RNF145: variants seen among roughly 807,000 people sequenced by gnomAD.
RNF145 encodes the protein ring finger protein 145.
In RNF145, 12 loss-of-function variants were observed where a neutral mutation model predicts 57.3. The observed-to-expected ratio is 0.21, with a 90% CI of 0.13 to 0.34. The LOEUF (loss-of-function observed/expected upper bound fraction) is 0.34, where lower values mean the gene tolerates loss of function less well. RNF145 is among the 10% of genes least tolerant of loss of function. The pLI is 1.00. For synonymous variants in RNF145, 262 were observed against 288.3 expected (o/e 0.91, Z 0.92); for missense variants, 429 against 799.0 (o/e 0.54, Z 5.58).
intron 9 of RNF145, 86 bp downstream of exon 9, chr5:159,162,846 T>C (rs1784275169): frequency 5.9e-6 from 6 of 1,024,714 alleles, no homozygotes; most frequent in Non-Finnish European, 8.5e-6. Context: ...CTTATAATCA[T>C]TCATCTTGAA....
At chr5:159,166,491 C>G (rs945316340) in intron 8 of RNF145, among the ~76,000 whole-genome samples, 7 of 152,108 alleles carry the variant, frequency 4.6e-5, no homozygotes, top group African/African-American at 1.7e-4. Flanking sequence ...GAATTTTAAC[C>G]TTCTGTTTTT....
chr5:159,161,762 A>G (rs1475111049), intron 9 of RNF145, 140 bp from the exon 10 acceptor site: 1 of 556,100 alleles, frequency 1.8e-6, no homozygotes. Flanking sequence ...AGGGGAAAAA[A>G]AAGTTTTAAT....
At chr5:159,207,737 A>G in intron 1 of RNF145, 3 of 1,614,068 alleles carry the variant, frequency 1.9e-6, no homozygotes, top group Non-Finnish European at 2.5e-6. Context: ...ACTCCTTGCT[A>G]GCTAACTTTG....
chr5:159,169,845 C>T, intron 6 of RNF145, 26 bp from the exon 7 acceptor site: 3 of 1,572,200 alleles, frequency 1.9e-6, no homozygotes, highest in Non-Finnish European at 2.6e-6. Flanking sequence ...GGGAAATTAA[C>T]AGACATAAAC....
rs1368899548 is a variant in RNF145 at position 159,162,467 on chromosome 5, G to A, written c.1269+465C>T. 3.2e-4 allele frequency among the ~76,000 whole-genome samples: 44 copies of A among 136,998 alleles called. No individual in the cohort carries two copies. The East Asian group carries it at 8.2e-3, about 26-fold the overall frequency. 89.9% of individuals were successfully genotyped at this position (136,998 alleles called of 152,430 possible). A position where few individuals can be genotyped will look rare whatever the true frequency, so the allele number is the denominator to read the frequency against. On this transcript the variant is annotated intron_variant, in intron 9 of 10. Transcript: ENST00000424310. ...TTTTGAGACGGAGTCTCGCTCTGTC[G>A]CCCAGGCCGGACTGCGGACTGCAGT...
chr5:159,209,883 G>C, upstream of RNF145: 3 of 1,536,134 alleles, frequency 2.0e-6, no homozygotes, highest in Non-Finnish European at 2.6e-6. Flanking sequence ...AATTTGAAGG[G>C]CTGATCCTGT....
chr5:159,207,395 AC>A, intron 1 of RNF145: 1 of 886,006 alleles, frequency 1.1e-6, no homozygotes, highest in South Asian at 1.6e-5. Context: ...CAAGAATGAC[AC>A]GTGACCCAAC....
chr5:159,178,527 A>G (rs1784785160), intron 4 of RNF145, among the ~76,000 whole-genome samples: 1 of 152,090 alleles, frequency 6.6e-6, no homozygotes, highest in Admixed American at 6.6e-5. Context: ...ATTAATTTAG[A>G]ATAATTAATC....
chr5:159,166,263 G>A (rs1784390957), intron 8 of RNF145, among the ~76,000 whole-genome samples: 1 of 151,968 alleles, frequency 6.6e-6, no homozygotes, highest in African/African-American at 2.4e-5. Context: ...TTCTCTTACT[G>A]ATGTGTAGGA....
chr5:159,170,120 A>G (rs1285845474), intron 6 of RNF145, among the ~76,000 whole-genome samples: 2 of 152,216 alleles, frequency 1.3e-5, no homozygotes, highest in Admixed American at 1.3e-4. Flanking sequence ...AGAAATATAT[A>G]ATTAGCATGC....
At chr5:159,187,219 T>A (rs1358267233) in intron 3 of RNF145, among the ~76,000 whole-genome samples, 1 of 147,680 alleles carries the variant, frequency 6.8e-6, no homozygotes, top group South Asian at 2.2e-4. Context: ...GAGGTGGAGG[T>A]TGCAGTGAGC....
At chr5:159,203,749 T>C (rs943445957) in intron 1 of RNF145, 93 bp from the exon 2 acceptor site, 2 of 736,136 alleles carry the variant, frequency 2.7e-6, no homozygotes, top group East Asian at 2.7e-5. Flanking sequence ...TGTCACACAC[T>C]GTACAAAACT....
chr5:159,177,485 T>A (rs916114874), intron 4 of RNF145, among the ~76,000 whole-genome samples: 1 of 152,062 alleles, frequency 6.6e-6, no homozygotes, highest in East Asian at 1.9e-4. Context: ...CAGTCTCTTA[T>A]AATCCCACAA....
rs754270211 is a variant in RNF145 at position 159,163,857 on chromosome 5, G to A, written c.1122-778C>T. Reference sequence around the variant, plus strand: ...CTCAGCAAAACACAAGCACTCTTACGTCCCACTAGAAATTCCTCCATCATG... The same window carrying A: ...CTCAGCAAAACACAAGCACTCTTACATCCCACTAGAAATTCCTCCATCATG... On this transcript the variant is annotated intron_variant, in intron 8 of 10. Transcript: ENST00000424310. Among the ~76,000 whole-genome samples the A allele has an allele frequency of 4.7e-4, 72 of 152,192 alleles. 1 individual carries two copies. The highest frequency in any genetic ancestry group is 2.9e-4 in the Non-Finnish European group (20 of 68,020).
intron 6 of RNF145, among the ~76,000 whole-genome samples, chr5:159,170,711 C>T (rs1784521521): frequency 6.6e-6 from 1 of 152,180 alleles, no homozygotes; most frequent in Non-Finnish European, 1.5e-5. Context: ...CCTCTCACTT[C>T]AGCCTCCCAA....
At chr5:159,166,904 G>A (rs1784409534) in intron 8 of RNF145, among the ~76,000 whole-genome samples, 1 of 152,098 alleles carries the variant, frequency 6.6e-6, no homozygotes, top group South Asian at 2.1e-4. Flanking sequence ...CAGGAGGACT[G>A]CTTGAGCCCA....
chr5:159,159,154 C>T (rs926712135), intron 10 of RNF145, 119 bp from the exon 11 acceptor site: 13 of 902,358 alleles, frequency 1.4e-5, no homozygotes, highest in Non-Finnish European at 2.2e-5. Flanking sequence ...TAACATAGAT[C>T]TTAGAATAAA....
chr5:159,210,041 T>C, upstream of RNF145: 4 of 678,052 alleles, frequency 5.9e-6, no homozygotes, highest in Non-Finnish European at 7.8e-6. Flanking sequence ...AGTAAGTGAC[T>C]GGATGAATGA....
intron 1 of RNF145, chr5:159,207,598 T>G (rs1785939807): frequency 6.3e-7 from 1 of 1,593,270 alleles, no homozygotes; most frequent in African/African-American, 1.4e-5. Flanking sequence ...TCACTGAAAA[T>G]GTTAAGAGCA....
Sources: gnomAD v4.1 joint callset for allele counts (sites outside exome capture counted in the v4.1 genomes callset) on GRCh38, gnomAD v4.1.1 for gene constraint, MANE v1.5 for transcripts, NCBI Gene and HGNC (gene_info 2026-07-23, HGNC 2026-07-21) for gene names.